Variants in FRYL observed in about 807,000 individuals in gnomAD.
The protein encoded by FRYL is FRY like transcription coactivator.
A neutral mutation model predicts 351.2 loss-of-function variants in FRYL; 150 were observed. That is an observed-to-expected ratio of 0.43 (90% CI 0.37 to 0.49). FRYL has a LOEUF of 0.49. Among genes scored for constraint, FRYL ranks in the 20% least tolerant of loss-of-function variants. The probability of loss-of-function intolerance (pLI) is 0.00; values close to 1 mark genes in which losing one functional copy is unlikely to be tolerated. For missense variants in FRYL, 3,036 were observed against 3,619.3 expected (o/e 0.84, Z 4.13); for synonymous variants, 1,153 against 1,257.1 (o/e 0.92, Z 1.75).
At chr4:48,761,052 G>GTGT (rs1318972774) in intron 1 of FRYL, among the ~76,000 whole-genome samples, 3 of 118,196 alleles carry the variant, frequency 2.5e-5, no homozygotes, top group African/African-American at 9.4e-5. Context: ...TGTGTGTGTT[G>GTGT]AAGAGGAAAT....
At chr4:48,678,559 AGT>A in intron 3 of FRYL, among the ~76,000 whole-genome samples, 2 of 151,444 alleles carry the variant, frequency 1.3e-5, no homozygotes, top group Non-Finnish European at 1.5e-5. Flanking sequence ...GATCAGTACA[AGT>A]ACATTGGAAG....
At chr4:48,586,172 A>G (rs183695027) in intron 19 of FRYL, among the ~76,000 whole-genome samples, 6 of 152,312 alleles carry the variant, frequency 3.9e-5, no homozygotes, top group Admixed American at 3.3e-4. Flanking sequence ...AAGAGAGAGA[A>G]AAACTTAAAT....
intron 1 of FRYL, among the ~76,000 whole-genome samples, chr4:48,736,949 G>C (rs1771502525): frequency 6.6e-6 from 1 of 150,772 alleles, no homozygotes; most frequent in African/African-American, 2.4e-5. Context: ...GGTTAACTAA[G>C]GAAGAAAGAC....
intron 55 of FRYL, among the ~76,000 whole-genome samples, chr4:48,518,544 T>C (rs1724155322): frequency 1.3e-5 from 2 of 152,318 alleles, no homozygotes; most frequent in Admixed American, 6.5e-5. Flanking sequence ...AATCAGATCA[T>C]GTTCTTCTTC....
chr4:48,775,243 T>C (rs1271076661), intron 1 of FRYL, among the ~76,000 whole-genome samples: 2 of 152,230 alleles, frequency 1.3e-5, no homozygotes, highest in Admixed American at 6.5e-5. Flanking sequence ...GAGTGAATAA[T>C]AAGTTCACCA....
intron 3 of FRYL, among the ~76,000 whole-genome samples, chr4:48,635,086 G>C (rs926709613): frequency 9.9e-5 from 15 of 152,258 alleles, no homozygotes; most frequent in African/African-American, 3.4e-4. Flanking sequence ...AGTGTGGCTG[G>C]AGCTCAAGGG....
At chr4:48,708,033 G>A (rs893393014) in intron 2 of FRYL, among the ~76,000 whole-genome samples, 3 of 151,764 alleles carry the variant, frequency 2.0e-5, no homozygotes, top group Admixed American at 6.6e-5. Context: ...TGTTAGCCAG[G>A]ATGATCTCGA....
intron 2 of FRYL, 60 bp downstream of exon 2, chr4:48,710,459 T>C (rs1169717577): frequency 2.5e-6 from 1 of 398,408 alleles, no homozygotes; most frequent in Non-Finnish European, 4.4e-6. Context: ...AGTGCAGGTA[T>C]TAACTCATAT....
intron 1 of FRYL, among the ~76,000 whole-genome samples, chr4:48,749,986 T>G (rs547326971): frequency 6.6e-5 from 10 of 151,898 alleles, no homozygotes; most frequent in African/African-American, 2.4e-4. Context: ...TTTTTAAAAT[T>G]AGCCAGGCAT....
intron 3 of FRYL, among the ~76,000 whole-genome samples, chr4:48,656,021 A>G (rs1032046419): frequency 1.5e-5 from 2 of 137,792 alleles, no homozygotes; most frequent in African/African-American, 5.3e-5. Flanking sequence ...TATATAATGT[A>G]AAATATAATG....
chr4:48,628,762 A>AT (rs1363574241), intron 4 of FRYL, among the ~76,000 whole-genome samples: 6 of 152,250 alleles, frequency 3.9e-5, no homozygotes, highest in Non-Finnish European at 8.8e-5. Flanking sequence ...CATATGTATT[A>AT]CCACATCCCT....
At position 48,609,776 on chromosome 4, in the gene FRYL, GT is replaced by G; in HGVS notation, c.458del (p.Asn153ThrfsTer2). The G allele has an allele frequency of 6.3e-7, 1 of 1,594,354 alleles. No homozygotes were observed. Among genetic ancestry groups the G allele is most frequent in the Non-Finnish European group, 8.6e-7 (1 of 1,167,746 alleles). ...VPDPLVHEVL[N>X]LAFKHFKHKE... ...TATGTTTAAAGTGCTTAAAAGCTAA[GT>G]TTAGAACTTCATGAACTAAGGGATC... On this transcript the variant is annotated frameshift_variant, in exon 8 of 64. Transcript: ENST00000358350. LOFTEE classifies it high-confidence loss of function.
chr4:48,714,412 A>G (rs1768494191), intron 1 of FRYL, among the ~76,000 whole-genome samples: 1 of 143,390 alleles, frequency 7.0e-6, no homozygotes, highest in South Asian at 2.4e-4. Flanking sequence ...AGAATCAAAT[A>G]GACACAATAA....
chr4:48,695,768 TG>T (rs1462665463), intron 2 of FRYL, among the ~76,000 whole-genome samples: 1 of 152,102 alleles, frequency 6.6e-6, no homozygotes, highest in East Asian at 1.9e-4. Flanking sequence ...AAAACGTTTT[TG>T]CAAGCTACCC....
intron 1 of FRYL, among the ~76,000 whole-genome samples, chr4:48,752,372 T>TACCCCTGGAGCTG (rs1773338601): frequency 6.6e-6 from 1 of 151,822 alleles, no homozygotes; most frequent in Non-Finnish European, 1.5e-5. Flanking sequence ...ACTCCGGATC[T>TACCCCTGGAGCTG]GCCCCTGGAG....
At chr4:48,659,055 A>G (rs887639071) in intron 3 of FRYL, among the ~76,000 whole-genome samples, 9 of 152,106 alleles carry the variant, frequency 5.9e-5, no homozygotes, top group African/African-American at 2.2e-4. Flanking sequence ...ACTTTACTAC[A>G]AAAAGGAAGC....
chr4:48,773,152 A>G (rs1358630426), intron 1 of FRYL, among the ~76,000 whole-genome samples: 3 of 152,222 alleles, frequency 2.0e-5, no homozygotes, highest in Non-Finnish European at 4.4e-5. Context: ...ACCTTAAAAT[A>G]TGGTACATAT....
In FRYL at chr4:48,540,828, G is replaced by C. The variant is rs1053266617; in HGVS notation, c.5820C>G (p.Asn1940Lys). ...CACCAATCAAACTTAATCTCAAAGA[G>C]TTACTTCTTGCATTACTGTTATATC... ...YLGYNSNARSNSLRLSLIGDR... is the reference protein window; with the variant it reads ...YLGYNSNARSKSLRLSLIGDR... The change falls in exon 46 of 64, where the codon AAC (asparagine) becomes AAG (lysine). Residue 1940 changes from asparagine to lysine, a missense_variant. Asn to Lys is a moderately conservative substitution (Grantham distance 94). Around this residue, in one of 7 missense-constraint regions of FRYL, gnomAD observed 1,987 missense variants for 2,311.7 expected, o/e 0.86. Transcript: ENST00000358350. The C allele has an allele frequency of 1.2e-6, 2 of 1,613,966 alleles. No individual in the cohort carries two copies. Among genetic ancestry groups the C allele is most frequent in the African/African-American group, 1.3e-5 (1 of 75,014 alleles).
chr4:48,734,452 T>C lies in FRYL; in HGVS notation c.-383-23754A>G, dbSNP rs184846518. Among the ~76,000 whole-genome samples, 20 of 152,320 alleles carry C rather than the reference T, an allele frequency of 1.3e-4. No individual in the cohort carries two copies. The East Asian group carries it at 2.3e-3, about 18-fold the overall frequency. On this transcript the variant is annotated intron_variant, in intron 1 of 63. Transcript: ENST00000358350. ...TACATGGAAAAATAGATGAATCCAC[T>C]ATTAGAGTTGTAGACTTCAACATTC...
Sources: gnomAD v4.1 joint callset for allele counts (sites outside exome capture counted in the v4.1 genomes callset) on GRCh38, gnomAD v4.1.1 for gene constraint, gnomAD v4.1.1 regional missense constraint, MANE v1.5 for transcripts, NCBI Gene and HGNC (gene_info 2026-07-23, HGNC 2026-07-21) for gene names.